OXSR1: variants seen among roughly 807,000 people sequenced by gnomAD.
OXSR1 encodes the protein serine/threonine-protein kinase OSR1.
In OXSR1, 24 loss-of-function variants were observed where a neutral mutation model predicts 79.8. The observed-to-expected ratio is 0.30, with a 90% CI of 0.22 to 0.42. The LOEUF is 0.42. Among genes scored for constraint, OXSR1 ranks in the 10% least tolerant of loss-of-function variants. The pLI is 1.00. For missense variants in OXSR1, 430 were observed against 618.4 expected, an observed-to-expected ratio of 0.70 and a Z score of 3.23; for synonymous variants, 226 against 209.2, an observed-to-expected ratio of 1.08 and a Z score of -0.69.
rs1233643126 is a variant in OXSR1 at position 38,223,875 on chromosome 3, A to G, written c.664A>G (p.Thr222Ala). The G allele has an allele frequency of 8.7e-6, 14 of 1,609,160 alleles. No homozygotes were observed. Among genetic ancestry groups the G allele is most frequent in the Non-Finnish European group, 1.2e-5 (14 of 1,177,058 alleles). ...TGGAATTACAGCAATTGAATTGGCT[A>G]CAGGGGCGGCTCCTTATCATAAATA... ...SFGITAIELA[T>A]GAAPYHKYPP... is the part of the protein sequence containing the mutation. Residue 222 changes from threonine to alanine, a missense_variant, in exon 7 of 18, where the codon ACA becomes GCA. This residue lies in a region of OXSR1 where 276 missense variants were observed against 354.2 expected (regional missense o/e 0.78). Coordinates refer to ENST00000311806, the MANE Select transcript of OXSR1 (RefSeq NM_005109.3).
intron 16 of OXSR1, among the ~76,000 whole-genome samples, 182 bp from the exon 17 acceptor site, chr3:38,252,146 G>A (rs925243836): frequency 6.6e-6 from 1 of 152,170 alleles, no homozygotes; most frequent in Non-Finnish European, 1.5e-5. Context: ...GTGGTTCAAG[G>A]TGTACTACTC....
At chr3:38,190,005 A>G (rs1018444244) in intron 2 of OXSR1, among the ~76,000 whole-genome samples, 8 of 152,140 alleles carry the variant, frequency 5.3e-5, no homozygotes, top group African/African-American at 2.4e-5. Flanking sequence ...AGCTGGGAGG[A>G]AATTTTGTCT....
intron 3 of OXSR1, among the ~76,000 whole-genome samples, chr3:38,193,587 C>T (rs941913479): frequency 2.7e-5 from 4 of 149,062 alleles, no homozygotes; most frequent in South Asian, 2.1e-4. Flanking sequence ...CCAGCCTATG[C>T]TTTCTGCTAC....
At chr3:38,244,033 T>C (rs905005446) in intron 12 of OXSR1, among the ~76,000 whole-genome samples, 2 of 152,222 alleles carry the variant, frequency 1.3e-5, no homozygotes, top group Non-Finnish European at 2.9e-5. Context: ...AGAGATAGAC[T>C]TGAAGTGTGT....
intron 4 of OXSR1, among the ~76,000 whole-genome samples, chr3:38,213,461 T>C (rs1054207487): frequency 6.6e-6 from 1 of 152,104 alleles, no homozygotes; most frequent in African/African-American, 2.4e-5. Context: ...TAAGGAGACA[T>C]TGCAGCTGAA....
At chr3:38,198,214 T>C (rs912722102) in intron 3 of OXSR1, among the ~76,000 whole-genome samples, 11 of 152,250 alleles carry the variant, frequency 7.2e-5, no homozygotes, top group Non-Finnish European at 1.5e-4. Flanking sequence ...TTAGCTCTTT[T>C]ATTTCTATAA....
At chr3:38,197,598 C>T (rs927697956) in intron 3 of OXSR1, among the ~76,000 whole-genome samples, 1 of 152,186 alleles carries the variant, frequency 6.6e-6, no homozygotes, top group Non-Finnish European at 1.5e-5. Context: ...CATCTCTCTT[C>T]TGTTATCTTT....
Position 38,221,563 on chromosome 3 carries a change from T to G in OXSR1, c.491-15T>G. On this transcript the variant is annotated splice_polypyrimidine_tract_variant and intron_variant, in intron 5 of 17. Transcript: ENST00000311806. ...TGATGCACTTTAAATACCTTGCTGT[T>G]GTATTCTATTTCAGACTTTGGGGTT... is the stretch of plus-strand genomic sequence containing the variant. 7.0e-7 allele frequency: 1 copy of G among 1,432,640 alleles called. No homozygotes were observed. Among genetic ancestry groups the G allele is most frequent in the Non-Finnish European group, 9.8e-7 (1 of 1,015,284 alleles). 88.7% of individuals were successfully genotyped at this position (1,432,640 alleles called of 1,614,324 possible). A position where few individuals can be genotyped will look rare whatever the true frequency, so the allele number is the denominator to read the frequency against.
In OXSR1 at chr3:38,209,684, G is replaced by C. The variant is rs556633589; in HGVS notation, c.435-6412G>C. 2.6e-5 allele frequency among the ~76,000 whole-genome samples: 4 copies of C among 150,956 alleles called. No individual in the cohort carries two copies. In the South Asian group the frequency reaches 8.4e-4, roughly 32 times the overall value. On this transcript the variant is annotated intron_variant, in intron 4 of 17. Transcript: ENST00000311806. ...GAGTCTCGCTCTGTCGCCCAGGCTG[G>C]AGTGCAGTGGCGCAATCTCGGCTCA...
intron 1 of OXSR1, among the ~76,000 whole-genome samples, chr3:38,177,714 A>G (rs1197265053): frequency 1.3e-5 from 2 of 151,964 alleles, no homozygotes; most frequent in African/African-American, 2.4e-5. Flanking sequence ...CCTCCCCAGT[A>G]GCTGGGACTA....
At chr3:38,207,697 G>A (rs1222226710) in intron 4 of OXSR1, among the ~76,000 whole-genome samples, 3 of 152,130 alleles carry the variant, frequency 2.0e-5, no homozygotes, top group Non-Finnish European at 4.4e-5. Context: ...GAACACCTAT[G>A]TTAAGGGAAC....
intron 8 of OXSR1, among the ~76,000 whole-genome samples, chr3:38,227,037 A>G (rs1229572413): frequency 6.6e-6 from 1 of 152,204 alleles, no homozygotes; most frequent in Non-Finnish European, 1.5e-5. Context: ...CTCTTCTGTA[A>G]GTCTAAAATT....
chr3:38,193,479 C>T (rs371543071), intron 3 of OXSR1: 18 of 1,054,848 alleles, frequency 1.7e-5, no homozygotes, highest in East Asian at 5.9e-5. Context: ...TTGTAATTTA[C>T]GAGAATATGT....
intron 1 of OXSR1, among the ~76,000 whole-genome samples, chr3:38,169,154 C>T (rs1701526112): frequency 6.6e-6 from 1 of 152,200 alleles, no homozygotes; most frequent in Admixed American, 6.5e-5. Flanking sequence ...AGTGGTATCT[C>T]ATTGTGGTTT....
Position 38,253,856 on chromosome 3 carries a change from GC to G in OXSR1, c.*967del, listed in dbSNP as rs1351909075. The G allele has an allele frequency of 1.2e-5, 3 of 249,044 alleles. No individual in the cohort carries two copies. The highest frequency in any genetic ancestry group is 6.6e-5 in the African/African-American group (3 of 45,246). 15.4% of individuals were successfully genotyped at this position (249,044 alleles called of 1,614,324 possible). Reference sequence around the variant, plus strand: ...AGGAGACACACACTGGGCCAGAGAGGCCTGCCTTCTGCCTGCTCTCCTGCAC... The same window carrying G: ...AGGAGACACACACTGGGCCAGAGAGGCTGCCTTCTGCCTGCTCTCCTGCAC... On this transcript the variant is annotated 3_prime_UTR_variant, in exon 18 of 18. Transcript: ENST00000311806.
intron 11 of OXSR1, among the ~76,000 whole-genome samples, chr3:38,239,764 T>C (rs1702991020): frequency 6.6e-6 from 1 of 152,184 alleles, no homozygotes; most frequent in African/African-American, 2.4e-5. Context: ...TTGTACTGTT[T>C]TATCAGCTTA....
intron 14 of OXSR1, among the ~76,000 whole-genome samples, chr3:38,248,209 G>C (rs1262411330): frequency 1.3e-5 from 2 of 151,922 alleles, no homozygotes; most frequent in Non-Finnish European, 2.9e-5. Flanking sequence ...TGTTTTTGTA[G>C]TCTGTTTCTG....
At chr3:38,250,425 C>T (rs1164246881) in intron 15 of OXSR1, among the ~76,000 whole-genome samples, 3 of 152,174 alleles carry the variant, frequency 2.0e-5, no homozygotes, top group African/African-American at 4.8e-5. Flanking sequence ...CAAACCAGAT[C>T]TGTCAGAATC....
chr3:38,188,223 CTT>C (rs2125812513), intron 2 of OXSR1, among the ~76,000 whole-genome samples: 1 of 152,272 alleles, frequency 6.6e-6, no homozygotes, highest in African/African-American at 2.4e-5. Flanking sequence ...GACCCTAACT[CTT>C]TACATTGTCA....
Sources: gnomAD v4.1 joint callset for allele counts (sites outside exome capture counted in the v4.1 genomes callset) on GRCh38, gnomAD v4.1.1 for gene constraint, gnomAD v4.1.1 regional missense constraint, MANE v1.5 for transcripts, NCBI Gene and HGNC (gene_info 2026-07-23, HGNC 2026-07-21) for gene names.